The following POM121 variants were observed in gnomAD, a reference collection of about 807,000 sequenced individuals.
The protein encoded by POM121 is nuclear envelope pore membrane protein POM 121.
Under a neutral mutation model 81.3 loss-of-function variants are expected in POM121, and 32 were observed. The observed-to-expected ratio is 0.39, with a 90% CI of 0.30 to 0.53. The LOEUF (loss-of-function observed/expected upper bound fraction) is 0.53. Among genes scored for constraint, POM121 ranks in the 20% least tolerant of loss-of-function variants. The pLI, the probability that POM121 is intolerant of heterozygous loss-of-function variation, is 0.66. For synonymous variants in POM121, 514 were observed against 694.2 expected (o/e 0.74, Z 4.08); for missense variants, 1,138 against 1,614.6 (o/e 0.70, Z 5.06).
In POM121 at chr7:72,930,056, G is replaced by A. The variant is rs1186027303; in HGVS notation, c.1220G>A (p.Ser407Asn). ...LTGAYASGIP[S>N]SSRNAITSSY... is the part of the protein sequence containing the mutation. ...GGCGCTTACGCAAGTGGCATCCCTA[G>A]CTCCAGCCGCAATGCCATTACCAGT... The change falls in exon 5 of 13, where the codon AGC (serine) becomes AAC (asparagine). Residue 407 changes from serine (S) to asparagine (N), a missense_variant. Ser to Asn is a conservative substitution (Grantham distance 46, BLOSUM62 1). Coordinates refer to ENST00000434423, the MANE Select transcript of POM121 (RefSeq NM_001387691.1). 2 of 1,613,834 alleles carry A rather than the reference G, an allele frequency of 1.2e-6. No individual in the cohort carries two copies. Among genetic ancestry groups the A allele is most frequent in the African/African-American group, 2.7e-5 (2 of 74,920 alleles).
In POM121 at chr7:72,930,018, G is replaced by C; in HGVS notation, c.1182G>C (p.Met394Ile). The C allele has an allele frequency of 6.2e-7, 1 of 1,613,996 alleles. No individual in the cohort carries two copies. Among genetic ancestry groups the C allele is most frequent in the Non-Finnish European group, 8.5e-7 (1 of 1,179,856 alleles). ...HLNKRSRSSS[M>I]SSLTGAYASG... is the part of the protein sequence containing the mutation. ...ATAAGAGATCCCGAAGCTCTTCCAT[G>C]AGCTCCTTGACAGGCGCTTACGCAA... Residue 394 changes from methionine (M) to isoleucine (I), a missense_variant, in exon 5 of 13, where the codon ATG (methionine) becomes ATC (isoleucine). This residue lies in a region of POM121 where 646 missense variants were observed against 633.5 expected (regional missense o/e 1.02). Transcript: ENST00000434423.
chr7:72,920,345 C>CTTTTTTTT (rs781909518), upstream of POM121, among the ~76,000 whole-genome samples: 1 of 112,544 alleles, frequency 8.9e-6, no homozygotes, highest in African/African-American at 3.4e-5. Flanking sequence ...GAGTAATGGT[C>CTTTTTTTT]TTTTTTTTTT....
At chr7:72,879,973 G>A (rs1789966644) in intron 1 of POM121, 18 of 407,418 alleles carry the variant, frequency 4.4e-5, no homozygotes, top group South Asian at 3.2e-4. Context: ...GGCAGAGGGA[G>A]CGTCCCGATT....
At position 72,917,902 on chromosome 7, in the gene POM121, A is replaced by G. The variant is rs556653197; in HGVS notation, c.-152+4074A>G. 6.8e-4 allele frequency among the ~76,000 whole-genome samples: 104 copies of G among 152,336 alleles called. 1 individual carries two copies. Among genetic ancestry groups the G allele is most frequent in the Admixed American group, 5.1e-3 (78 of 15,308 alleles). Reference sequence around the variant, plus strand: ...CAGGGTAAAGAGTGAGTCATCTCCAATGATAGGTAAGGTCACGTGGGTCAC... The same window carrying G: ...CAGGGTAAAGAGTGAGTCATCTCCAGTGATAGGTAAGGTCACGTGGGTCAC... On this transcript the variant is annotated intron_variant, in intron 4 of 15. Transcript: ENST00000395270.
chr7:72,912,499 G>C lies in POM121; in HGVS notation c.-215-1266G>C, dbSNP rs868992391. Among the ~76,000 whole-genome samples the C allele has an allele frequency of 5.3e-5, 8 of 152,232 alleles. 1 individual carries two copies. Among genetic ancestry groups the C allele is most frequent in the African/African-American group, 1.9e-4 (8 of 41,532 alleles). On this transcript the variant is annotated intron_variant, in intron 3 of 15. Transcript: ENST00000395270. ...TAAAAGATAAGTGGGTTTTCTGGCCGGGCGTGGTGGCTCACACCTGTAATC... is the reference window on the plus strand; with the variant it reads ...TAAAAGATAAGTGGGTTTTCTGGCCCGGCGTGGTGGCTCACACCTGTAATC...
chr7:72,881,888 C>T (rs1473853536), intron 1 of POM121, among the ~76,000 whole-genome samples: 2 of 152,162 alleles, frequency 1.3e-5, no homozygotes, highest in African/African-American at 4.8e-5. Flanking sequence ...GCCTCAGCCT[C>T]CCAAAGTGCT....
chr7:72,926,889 CAA>C lies in POM121; in HGVS notation c.950_951del (p.Lys317ArgfsTer17). On this transcript the variant is annotated frameshift_variant, in exon 3 of 13. Coordinates refer to ENST00000434423, the MANE Select transcript of POM121 (RefSeq NM_001387691.1). LOFTEE classifies it high-confidence loss of function. ...CAAAGGAGACAGTACTGAGTGCCCT[CAA>C]AGAGAAGGAGAAGAAAAGGACAGTG... ...CAKETVLSAL[K>X]EKEKKRTVEE... 6.2e-7 allele frequency: 1 copy of C among 1,613,914 alleles called. No homozygotes were observed. The highest frequency in any genetic ancestry group is 8.5e-7 in the Non-Finnish European group (1 of 1,179,872).
At chr7:72,921,954 A>G (rs1794853116), upstream of POM121, among the ~76,000 whole-genome samples, 1 of 152,014 alleles carries the variant, frequency 6.6e-6, no homozygotes, top group African/African-American at 2.4e-5. Flanking sequence ...ATACTTCTTC[A>G]CCCTTATTTT....
intron 3 of POM121, 97 bp from the exon 4 acceptor site, chr7:72,928,288 C>A: frequency 6.7e-7 from 1 of 1,494,378 alleles, no homozygotes; most frequent in Non-Finnish European, 9.3e-7. Context: ...ATCTGTGCTC[C>A]ATAGAGATAG....
chr7:72,907,867 C>T (rs1413018991), intron 3 of POM121, among the ~76,000 whole-genome samples: 7 of 152,180 alleles, frequency 4.6e-5, no homozygotes, highest in Non-Finnish European at 7.4e-5. Context: ...AATTCAGTGA[C>T]ATGAATGTGA....
In POM121 at chr7:72,945,625, C is replaced by T; in HGVS notation, c.3569C>T (p.Pro1190Leu). 2 of 1,613,510 alleles carry T rather than the reference C, an allele frequency of 1.2e-6. No individual in the cohort carries two copies. The highest frequency in any genetic ancestry group is 1.7e-6 in the Non-Finnish European group (2 of 1,179,664). Residue 1190 changes from proline to leucine, a missense_variant, in exon 12 of 13, where the codon CCT becomes CTT. Pro to Leu is a moderately conservative substitution (Grantham distance 98). This residue lies in a region of POM121 where 336 missense variants were observed against 344.3 expected (regional missense o/e 0.98). Transcript: ENST00000434423. ...ACCTTTGGTCTGAACACCCCTGCGC[C>T]TGGAGTGGGCACATCAGGCAGCAGC... Reference protein sequence around the residue: ...TPTFGLNTPAPGVGTSGSSLS... With the variant: ...TPTFGLNTPALGVGTSGSSLS...
At chr7:72,880,181 C>T (rs1475341139) in intron 1 of POM121, among the ~76,000 whole-genome samples, 1 of 152,222 alleles carries the variant, frequency 6.6e-6, no homozygotes, top group Non-Finnish European at 1.5e-5. Context: ...ATTTCGACCG[C>T]CTCTAAACGT....
rs1484638539 is a variant in POM121 at position 72,925,479 on chromosome 7, C to T, written c.358C>T (p.Leu120=). ...CAAGTCGACAGCCAACGGAAACCTC[C>T]TAGAGCCGCGGACCCTGCTCGAAGG... The part of the protein sequence containing the change: ...LAKSTANGNL[L]EPRTLLEGPD... Residue 120 remains leucine, a synonymous_variant, in exon 1 of 13, where the codon CTA becomes TTA. Coordinates refer to ENST00000434423, the MANE Select transcript of POM121 (RefSeq NM_001387691.1). 6.5e-7 allele frequency: 1 copy of T among 1,533,776 alleles called. No homozygotes were observed. Among genetic ancestry groups the T allele is most frequent in the Non-Finnish European group, 8.7e-7 (1 of 1,146,564 alleles).
chr7:72,929,450 T>A (rs571738173), intron 4 of POM121, among the ~76,000 whole-genome samples: 1 of 152,348 alleles, frequency 6.6e-6, no homozygotes, highest in South Asian at 2.1e-4. Context: ...TCTGTTTCCA[T>A]TGGAGGTTTA....
At chr7:72,926,781 G>A (rs781848321) in intron 2 of POM121, 21 bp from the exon 3 acceptor site, 6 of 1,610,544 alleles carry the variant, frequency 3.7e-6, no homozygotes, top group Non-Finnish European at 5.1e-6. Flanking sequence ...CTTACAGCTA[G>A]AATCTTGTCT....
At chr7:72,880,839 ATGCACCAC>A (rs1303737191) in intron 1 of POM121, among the ~76,000 whole-genome samples, 2 of 145,224 alleles carry the variant, frequency 1.4e-5, no homozygotes, top group African/African-American at 2.6e-5. Context: ...AGAGCCGTGA[ATGCACCAC>A]TGCACTCCAG....
In POM121 at chr7:72,943,048, C is replaced by T; in HGVS notation, c.3055C>T (p.Pro1019Ser). The stretch of plus-strand genomic sequence containing the variant: ...ACCTCCGTCCATGATCAAGGTCGTG[C>T]CTGCGTACGTGCCTACGCCCATCCA... ...PAPPSMIKVVPAYVPTPIHPI... is the reference protein window; with the variant it reads ...PAPPSMIKVVSAYVPTPIHPI... The change falls in exon 11 of 13, where the codon CCT (proline) becomes TCT (serine). Residue 1019 changes from proline (P) to serine (S), a missense_variant. Physicochemically the swap from Pro to Ser is moderately conservative, Grantham distance 74. Transcript: ENST00000434423. The T allele has an allele frequency of 6.2e-7, 1 of 1,613,914 alleles. No individual in the cohort carries two copies. The highest frequency in any genetic ancestry group is 1.1e-5 in the South Asian group (1 of 91,082).
intron 7 of POM121, 102 bp downstream of exon 7, chr7:72,939,511 ATGTCTAAGGC>A: frequency 1.3e-6 from 2 of 1,495,504 alleles, no homozygotes; most frequent in Non-Finnish European, 9.0e-7. Context: ...GAGCATTGCT[ATGTCTAAGGC>A]ATGTTAGATA....
chr7:72,929,624 A>G (rs576912606), intron 4 of POM121, among the ~76,000 whole-genome samples: 3 of 152,288 alleles, frequency 2.0e-5, no homozygotes, highest in East Asian at 3.9e-4. Flanking sequence ...TTCACCTCCA[A>G]AAGTTCCCAC....
Sources: allele counts gnomAD v4.1 joint callset (sites outside exome capture counted in the v4.1 genomes callset), GRCh38; gene constraint gnomAD v4.1.1; regional missense constraint gnomAD v4.1.1; transcripts MANE v1.5; gene names NCBI Gene and HGNC (gene_info 2026-07-23, HGNC 2026-07-21).